Variants in SRRD observed in about 807,000 individuals in gnomAD.
The protein encoded by SRRD is SRR1-like protein.
Under a neutral mutation model 30.7 loss-of-function variants are expected in SRRD, and 28 were observed. The ratio of observed to expected loss-of-function variants is 0.91; its 90% CI spans 0.68 to 1.25. The LOEUF (loss-of-function observed/expected upper bound fraction) is 1.25, where lower values mean the gene tolerates loss of function less well. Ranked by LOEUF, SRRD falls within the 50% of genes most tolerant of loss-of-function variation. SRRD has a pLI of 0.00. For missense variants in SRRD, 415 were observed against 417.3 expected (o/e 0.99, Z 0.05); for synonymous variants, 161 against 159.6 (o/e 1.01, Z -0.07).
In SRRD at chr22:26,493,677, A is replaced by G. The variant is rs2147118371; in HGVS notation, c.*2005A>G. On this transcript the variant is annotated 3_prime_UTR_variant, in exon 7 of 7. Coordinates refer to ENST00000215917, the MANE Select transcript of SRRD (RefSeq NM_001013694.3). ...TATTGAAGGCTATACACAAGCATGA[A>G]CTCACTCTCCCTTTTAGCCTATAAA... is the stretch of plus-strand genomic sequence containing the variant. 1.2e-5 allele frequency: 2 copies of G among 170,606 alleles called. No individual in the cohort carries two copies. The highest frequency in any genetic ancestry group is 2.8e-4 in the South Asian group (2 of 7,160). 10.6% of individuals were successfully genotyped at this position (170,606 alleles called of 1,614,324 possible).
Position 26,494,227 on chromosome 22 carries a change from G to A in SRRD, c.*2555G>A. 6.2e-7 allele frequency: 1 copy of A among 1,614,220 alleles called. No homozygotes were observed. Among genetic ancestry groups the A allele is most frequent in the Non-Finnish European group, 8.5e-7 (1 of 1,180,046 alleles). On this transcript the variant is annotated 3_prime_UTR_variant, in exon 7 of 7. Transcript: ENST00000215917. ...ATGGATGTGCCAGCACTTGGTCTGA[G>A]AACATCGACTTCCAACCCAGGTACC...
intron 6 of SRRD, 135 bp from the exon 7 acceptor site, chr22:26,491,327 AT>A (rs551862093): frequency 1.4e-3 from 1,096 of 795,890 alleles, no homozygotes; most frequent in Middle Eastern, 3.7e-3. Context: ...GTGCAAAAGC[AT>A]TTAAATCAAA....
At position 26,485,074 on chromosome 22, in the gene SRRD, C is replaced by T. The variant is rs574578459; in HGVS notation, c.210-949C>T. On this transcript the variant is annotated intron_variant, in intron 1 of 6. Transcript: ENST00000215917. The stretch of plus-strand genomic sequence containing the variant: ...AAAAGCACCTGCGATTATTTTTAAG[C>T]TCTCAGAGGATGCCAGTGAGAGTGA... Among the ~76,000 whole-genome samples the T allele has an allele frequency of 2.1e-4, 32 of 152,296 alleles. No homozygotes were observed. In the East Asian group the frequency reaches 3.5e-3, roughly 17 times the overall value.
Position 26,494,344 on chromosome 22 carries a change from A to C in SRRD, c.*2672A>C. 2 of 1,613,574 alleles carry C rather than the reference A, an allele frequency of 1.2e-6. No homozygotes were observed. The highest frequency in any genetic ancestry group is 1.7e-6 in the Non-Finnish European group (2 of 1,179,544). On this transcript the variant is annotated 3_prime_UTR_variant, in exon 7 of 7. Transcript: ENST00000215917. ...AATTACTTGCATCCATCGTGGCAAC[A>C]AATGAAGGCAAGATTTCTGAAGTGG... is the stretch of plus-strand genomic sequence containing the variant.
At position 26,494,452 on chromosome 22, in the gene SRRD, T is replaced by G. The variant is rs2147120298; in HGVS notation, c.*2780T>G. 9.3e-6 allele frequency: 9 copies of G among 969,382 alleles called. No homozygotes were observed. In the South Asian group the frequency reaches 1.3e-4, roughly 14 times the overall value. The allele number at this position is 969,382 out of a possible 1,614,324, so 60.0% of individuals were successfully genotyped here. A position where few individuals can be genotyped will look rare whatever the true frequency, so the allele number is the denominator to read the frequency against. On this transcript the variant is annotated 3_prime_UTR_variant, in exon 7 of 7. Coordinates refer to ENST00000215917, the MANE Select transcript of SRRD (RefSeq NM_001013694.3). ...TTATAGTAGCTAAACAGTCTAGCAC[T>G]TATGAATATGGATTTTGGAGTCAGC...
chr22:26,486,507 C>A (rs2147107055), intron 2 of SRRD, among the ~76,000 whole-genome samples: 1 of 152,214 alleles, frequency 6.6e-6, no homozygotes, highest in South Asian at 2.1e-4. Context: ...TAGTTTTCTT[C>A]TGTTGTTTTT....
chr22:26,491,281 CATG>C lies in SRRD; in HGVS notation c.811-179_811-177del, dbSNP rs141957775. 2.4e-3 allele frequency: 1,701 copies of C among 707,700 alleles called. 20 individuals are homozygous for C. The African/African-American group carries it at 0.027, about 11-fold the overall frequency. 43.8% of individuals were successfully genotyped at this position (707,700 alleles called of 1,614,324 possible). A position where few individuals can be genotyped will look rare whatever the true frequency, so the allele number is the denominator to read the frequency against. ...TTCCTTTATTCTTAGTATCACAGTC[CATG>C]ATATCCACTGTCCTTGGGGCGCCCA... On this transcript the variant is annotated intron_variant, in intron 6 of 6. Transcript: ENST00000215917.
intron 1 of SRRD, 45 bp from the exon 2 acceptor site, chr22:26,485,976 GCC>G (rs1462647036): frequency 1.2e-6 from 2 of 1,612,538 alleles, no homozygotes; most frequent in African/African-American, 2.7e-5. Context: ...TGTTGGGGCA[GCC>G]CTGAGATGGG....
intron 5 of SRRD, 48 bp downstream of exon 5, chr22:26,490,246 A>G (rs755613159): frequency 5.6e-6 from 9 of 1,595,812 alleles, no homozygotes; most frequent in Non-Finnish European, 6.9e-6. Flanking sequence ...GGTGAAGCCC[A>G]TACCTCAGAT....
chr22:26,488,676 C>T (rs2091727126), intron 4 of SRRD, among the ~76,000 whole-genome samples, 188 bp downstream of exon 4: 1 of 152,190 alleles, frequency 6.6e-6, no homozygotes, highest in Admixed American at 6.5e-5. Flanking sequence ...GTGTTGTGCC[C>T]ATCAGAAAAA....
At position 26,488,416 on chromosome 22, in the gene SRRD, T is replaced by TGACC. The variant is rs1243434513; in HGVS notation, c.538_541dup (p.Pro181ArgfsTer5). ...TTCCCAGAAGTCACTGTTGGGTATA[T>TGACC]GACCCTCTGTTTAGCCAACTTGAAA... is the stretch of plus-strand genomic sequence containing the variant. On this transcript the variant is annotated frameshift_variant, in exon 4 of 7. Coordinates refer to ENST00000215917, the MANE Select transcript of SRRD (RefSeq NM_001013694.3). LOFTEE classifies it high-confidence loss of function. The TGACC allele has an allele frequency of 1.2e-6, 2 of 1,614,238 alleles. No homozygotes were observed.
Position 26,494,412 on chromosome 22 carries a change from C to T in SRRD, c.*2740C>T, listed in dbSNP as rs529091667. On this transcript the variant is annotated 3_prime_UTR_variant, in exon 7 of 7. Coordinates refer to ENST00000215917, the MANE Select transcript of SRRD (RefSeq NM_001013694.3). ...ATCCTGGTCCTACAGGCTAGTGACA[C>T]TACTTTACAGGGATTTATAGTAGCT... The T allele has an allele frequency of 3.0e-5, 39 of 1,313,098 alleles. 1 individual carries two copies. The African/African-American group carries it at 3.3e-4, about 11-fold the overall frequency. The allele number at this position is 1,313,098 out of a possible 1,614,324, so 81.3% of individuals were successfully genotyped here.
rs774289748 is a variant in SRRD, at chr22:26,488,088, C to CTG, written c.311_312insGT (p.Ser105PhefsTer36). The CTG allele has an allele frequency of 6.2e-7, 1 of 1,614,174 alleles. No individual in the cohort carries two copies. The highest frequency in any genetic ancestry group is 1.1e-5 in the South Asian group (1 of 91,088). On this transcript the variant is annotated frameshift_variant, in exon 3 of 7. Coordinates refer to ENST00000215917, the MANE Select transcript of SRRD (RefSeq NM_001013694.3). LOFTEE classifies it high-confidence loss of function. ...ACAACTGAAGGCCCCTGTGGGGACT[C>CTG]TTTCAGACATCTTTGGAAACCTGCA...
Position 26,483,881 on chromosome 22 carries a change from T to A in SRRD, c.-10T>A, listed in dbSNP as rs1253437230. On this transcript the variant is annotated 5_prime_UTR_variant, in exon 1 of 7. Coordinates refer to ENST00000215917, the MANE Select transcript of SRRD (RefSeq NM_001013694.3). ...CCGAGTGCGCCGCACGCCGCTGACG[T>A]CAGAGACCAATGGCTGCGGCCGCAG... 3 of 1,349,798 alleles carry A rather than the reference T, an allele frequency of 2.2e-6. No individual in the cohort carries two copies. Among genetic ancestry groups the A allele is most frequent in the Non-Finnish European group, 1.9e-6 (2 of 1,059,850 alleles). The allele number at this position is 1,349,798 out of a possible 1,614,324, so 83.6% of individuals were successfully genotyped here.
intron 4 of SRRD, among the ~76,000 whole-genome samples, chr22:26,489,417 C>T (rs1219780876): frequency 1.3e-5 from 2 of 152,060 alleles, no homozygotes; most frequent in Non-Finnish European, 2.9e-5. Flanking sequence ...CTTTGAAGGT[C>T]TACCAGGAGT....
At chr22:26,489,722 G>C (rs1298237649) in intron 4 of SRRD, among the ~76,000 whole-genome samples, 1 of 152,092 alleles carries the variant, frequency 6.6e-6, no homozygotes, top group East Asian at 1.9e-4. Context: ...AATACATGGG[G>C]TAAGTAACAT....
At position 26,494,307 on chromosome 22, in the gene SRRD, G is replaced by C; in HGVS notation, c.*2635G>C. 1 of 1,614,126 alleles carries C rather than the reference G, an allele frequency of 6.2e-7. No individual in the cohort carries two copies. Among genetic ancestry groups the C allele is most frequent in the Non-Finnish European group, 8.5e-7 (1 of 1,180,014 alleles). Reference sequence around the variant, plus strand: ...TTACTGAGCCAAGAGCACAGCACCTGCCAAAAAGAAAAATTACTTGCATCC... The same window carrying C: ...TTACTGAGCCAAGAGCACAGCACCTCCCAAAAAGAAAAATTACTTGCATCC... On this transcript the variant is annotated 3_prime_UTR_variant, in exon 7 of 7. Transcript: ENST00000215917.
chr22:26,492,470 G>C lies in SRRD; in HGVS notation c.*798G>C, dbSNP rs1160604532. On this transcript the variant is annotated 3_prime_UTR_variant, in exon 7 of 7. Coordinates refer to ENST00000215917, the MANE Select transcript of SRRD (RefSeq NM_001013694.3). ...GTCTTGGGTGTGCCAGAGTGCTTGT[G>C]ACTCACTGAAGGGCAGCTCTGCCTC... The C allele has an allele frequency of 1.1e-5, 12 of 1,067,174 alleles. No homozygotes were observed. The highest frequency in any genetic ancestry group is 1.5e-5 in the Non-Finnish European group (11 of 719,484). The allele number at this position is 1,067,174 out of a possible 1,614,324, so 66.1% of individuals were successfully genotyped here. A position where few individuals can be genotyped will look rare whatever the true frequency, so the allele number is the denominator to read the frequency against.
chr22:26,494,315 G>GA lies in SRRD; in HGVS notation c.*2648dup. On this transcript the variant is annotated 3_prime_UTR_variant, in exon 7 of 7. Transcript: ENST00000215917. ...CCAAGAGCACAGCACCTGCCAAAAA[G>GA]AAAAATTACTTGCATCCATCGTGGC... 6.2e-7 allele frequency: 1 copy of GA among 1,614,190 alleles called. No homozygotes were observed. Among genetic ancestry groups the GA allele is most frequent in the Non-Finnish European group, 8.5e-7 (1 of 1,180,032 alleles).
Sources: allele counts gnomAD v4.1 joint callset (sites outside exome capture counted in the v4.1 genomes callset), GRCh38; gene constraint gnomAD v4.1.1; transcripts MANE v1.5; gene names NCBI Gene and HGNC (gene_info 2026-07-23, HGNC 2026-07-21).